The following PTPN2 variants were observed in gnomAD, a reference collection of about 807,000 sequenced individuals.
The protein encoded by PTPN2 is protein tyrosine phosphatase non-receptor type 2.
A neutral mutation model predicts 57.3 loss-of-function variants in PTPN2; 19 were observed. The observed-to-expected ratio is 0.33, with a 90% CI of 0.23 to 0.49. The LOEUF (loss-of-function observed/expected upper bound fraction) is 0.49. Ranked by LOEUF, PTPN2 falls within the 20% of genes least tolerant of loss-of-function variation. The pLI is 0.99. For missense variants in PTPN2, 358 were observed against 501.1 expected, an observed-to-expected ratio of 0.71 and a Z score of 2.73; for synonymous variants, 153 against 164.9, an observed-to-expected ratio of 0.93 and a Z score of 0.55.
chr18:12,862,390 CT>C (rs1474217857), intron 1 of PTPN2: 1 of 152,252 alleles, frequency 6.6e-6, no homozygotes, highest in Non-Finnish European at 1.5e-5. Flanking sequence ...AATTCCTGAC[CT>C]TAAGTGATCC....
chr18:12,852,792 A>C (rs2043443474), intron 2 of PTPN2, among the ~76,000 whole-genome samples: 1 of 152,238 alleles, frequency 6.6e-6, no homozygotes, highest in African/African-American at 2.4e-5. Flanking sequence ...TGAGTGTAAA[A>C]GAATCATGTT....
chr18:12,788,539 C>G (rs537705424), downstream of PTPN2, among the ~76,000 whole-genome samples: 2 of 148,938 alleles, frequency 1.3e-5, no homozygotes, highest in East Asian at 4.0e-4. Flanking sequence ...TCCCAAAGTA[C>G]TGGGATTACA....
chr18:12,803,862 C>T (rs1291965155), intron 7 of PTPN2, among the ~76,000 whole-genome samples: 3 of 152,198 alleles, frequency 2.0e-5, no homozygotes, highest in African/African-American at 7.2e-5. Context: ...TTAAACTGCA[C>T]TCTAGGCCAA....
At chr18:12,866,387 A>G (rs935554216) in intron 1 of PTPN2, among the ~76,000 whole-genome samples, 2 of 151,874 alleles carry the variant, frequency 1.3e-5, no homozygotes, top group Non-Finnish European at 1.5e-5. Flanking sequence ...GCAGTGAGCC[A>G]AGATTGCACC....
At chr18:12,819,871 G>A (rs759090029) in intron 5 of PTPN2, among the ~76,000 whole-genome samples, 8 of 152,112 alleles carry the variant, frequency 5.3e-5, no homozygotes, top group Non-Finnish European at 8.8e-5. Context: ...ATGAGGTTAA[G>A]ATTCCAGTGG....
At chr18:12,865,322 C>A (rs1444955833) in intron 1 of PTPN2, among the ~76,000 whole-genome samples, 2 of 151,752 alleles carry the variant, frequency 1.3e-5, no homozygotes, top group East Asian at 3.9e-4. Context: ...GTGGTCCCAG[C>A]TACTTGGGAG....
intron 5 of PTPN2, among the ~76,000 whole-genome samples, chr18:12,823,470 T>TC (rs2042341707): frequency 6.6e-6 from 1 of 152,080 alleles, no homozygotes; most frequent in Non-Finnish European, 1.5e-5. Context: ...AGTCAGGAGT[T>TC]CAAGATCAGT....
At position 12,797,193 on chromosome 18, in the gene PTPN2, T is replaced by C. The variant is rs533032741; in HGVS notation, c.1041-2708A>G. 1.4e-4 allele frequency among the ~76,000 whole-genome samples: 22 copies of C among 152,318 alleles called. No individual in the cohort carries two copies. In the East Asian group the frequency reaches 4.2e-3, roughly 29 times the overall value. On this transcript the variant is annotated intron_variant, in intron 8 of 8. Transcript: ENST00000309660. ...AAACAGAGAGGGGGTTAGCCTCCCA[T>C]GGGCCCTTTATTAGCTTTTGCCAGG...
intron 7 of PTPN2, among the ~76,000 whole-genome samples, chr18:12,808,256 T>TTA (rs1335522432): frequency 6.6e-6 from 1 of 152,046 alleles, no homozygotes; most frequent in African/African-American, 2.4e-5. Flanking sequence ...TTCGAAATAC[T>TTA]TATATATACT....
intron 7 of PTPN2, among the ~76,000 whole-genome samples, chr18:12,811,010 G>A (rs971077488): frequency 1.3e-5 from 2 of 152,170 alleles, no homozygotes; most frequent in East Asian, 3.8e-4. Flanking sequence ...AAGACATGGA[G>A]TACTTGCTAC....
intron 1 of PTPN2, among the ~76,000 whole-genome samples, chr18:12,869,746 A>G (rs1205829434): frequency 6.6e-6 from 1 of 152,220 alleles, no homozygotes; most frequent in Admixed American, 6.5e-5. Flanking sequence ...TCCCAAATTG[A>G]TAATGAGTTT....
intron 3 of PTPN2, among the ~76,000 whole-genome samples, chr18:12,835,017 C>T (rs1342335999): frequency 6.6e-6 from 1 of 152,052 alleles, no homozygotes; most frequent in Non-Finnish European, 1.5e-5. Context: ...AAAGAGTCAG[C>T]CCTCTGTATG....
intron 1 of PTPN2, chr18:12,883,790 C>T: frequency 3.3e-6 from 1 of 306,524 alleles, no homozygotes; most frequent in Admixed American, 5.1e-5. Flanking sequence ...CATCCACGCG[C>T]TCCCCAAGAA....
In PTPN2 at chr18:12,809,958, G is replaced by C. The variant is rs535276502; in HGVS notation, c.858+4245C>G. The stretch of plus-strand genomic sequence containing the variant: ...GCACTTTGGGAGGCTGAGGTGGGCA[G>C]ATCACTTGAGGTCAGGAGTTTGAGA... On this transcript the variant is annotated intron_variant, in intron 7 of 8. Coordinates refer to ENST00000309660, the MANE Select transcript of PTPN2 (RefSeq NM_002828.4). Among the ~76,000 whole-genome samples the C allele has an allele frequency of 9.5e-4, 145 of 152,218 alleles. 1 individual carries two copies. Among genetic ancestry groups the C allele is most frequent in the African/African-American group, 3.4e-3 (140 of 41,528 alleles).
intron 7 of PTPN2, among the ~76,000 whole-genome samples, chr18:12,811,525 C>A (rs117976588): frequency 1.1e-3 from 167 of 152,256 alleles, no homozygotes; most frequent in East Asian, 7.1e-3. Context: ...ATTAAAAAAA[C>A]CCCACAAACC....
intron 5 of PTPN2, among the ~76,000 whole-genome samples, chr18:12,820,683 C>T (rs1266266857): frequency 1.3e-5 from 2 of 152,136 alleles, no homozygotes; most frequent in African/African-American, 4.8e-5. Context: ...CCACCCTTCT[C>T]GCTGCTTCAC....
chr18:12,826,461 C>T (rs930008837), intron 4 of PTPN2, among the ~76,000 whole-genome samples: 1 of 152,172 alleles, frequency 6.6e-6, no homozygotes, highest in Non-Finnish European at 1.5e-5. Context: ...TGTGTGCAGT[C>T]ATCACTGTAA....
intron 5 of PTPN2, 80 bp downstream of exon 5, chr18:12,825,730 C>T (rs772090304): frequency 3.6e-6 from 5 of 1,387,564 alleles, no homozygotes; most frequent in Non-Finnish European, 4.9e-6. Flanking sequence ...ATGTGCTTAT[C>T]AAACTTCAAA....
chr18:12,851,799 C>CT (rs926640578), intron 2 of PTPN2, among the ~76,000 whole-genome samples: 6 of 152,286 alleles, frequency 3.9e-5, no homozygotes, highest in African/African-American at 1.4e-4. Flanking sequence ...ATTTGAGAAT[C>CT]TTTTTGTTTT....
Sources: allele counts gnomAD v4.1 joint callset (sites outside exome capture counted in the v4.1 genomes callset), GRCh38; gene constraint gnomAD v4.1.1; transcripts MANE v1.5; gene names NCBI Gene and HGNC (gene_info 2026-07-23, HGNC 2026-07-21).